PLEKHA5: variants seen among roughly 807,000 people sequenced by gnomAD.
The protein encoded by PLEKHA5 is pleckstrin homology domain containing A5.
Under a neutral mutation model 181.9 loss-of-function variants are expected in PLEKHA5, and 55 were observed. The ratio of observed to expected loss-of-function variants is 0.30; its 90% CI spans 0.24 to 0.38. The LOEUF (loss-of-function observed/expected upper bound fraction) is 0.38. PLEKHA5 is among the 10% of genes least tolerant of loss of function. The pLI is 1.00. For missense variants in PLEKHA5, 1,432 were observed against 1,549.5 expected, an observed-to-expected ratio of 0.92 and a Z score of 1.27; for synonymous variants, 535 against 529.4, an observed-to-expected ratio of 1.01 and a Z score of -0.15.
chr12:19,341,200 C>A (rs983836846), intron 21 of PLEKHA5, among the ~76,000 whole-genome samples: 2 of 151,966 alleles, frequency 1.3e-5, no homozygotes. Flanking sequence ...TTGCTTGAAC[C>A]CAAGAGGCAG....
At chr12:19,184,282 C>T (rs1415758131) in intron 3 of PLEKHA5, among the ~76,000 whole-genome samples, 1 of 152,072 alleles carries the variant, frequency 6.6e-6, no homozygotes, top group East Asian at 1.9e-4. Flanking sequence ...ATTTATCAAG[C>T]CATAGTCTAT....
At chr12:19,343,559 TAAAC>T (rs908883039) in intron 22 of PLEKHA5, 125 bp downstream of exon 22, 11 of 663,040 alleles carry the variant, frequency 1.7e-5, no homozygotes, top group Non-Finnish European at 2.7e-5. Context: ...AGAGTGTACT[TAAAC>T]AAATCTAGTT....
intron 11 of PLEKHA5, among the ~76,000 whole-genome samples, chr12:19,276,444 A>G (rs2074532624): frequency 6.6e-6 from 1 of 152,196 alleles, no homozygotes; most frequent in African/African-American, 2.4e-5. Flanking sequence ...TAATCCCAGC[A>G]CTTCGGGAGG....
intron 3 of PLEKHA5, among the ~76,000 whole-genome samples, chr12:19,216,763 G>A (rs1340911294): frequency 1.3e-5 from 2 of 152,048 alleles, no homozygotes; most frequent in Admixed American, 6.6e-5. Context: ...AGGACAGGGA[G>A]AAAATGAAGG....
Position 19,196,794 on chromosome 12 carries a change from GT to G in PLEKHA5, c.228-57140del, listed in dbSNP as rs1345493322. Among the ~76,000 whole-genome samples, 11 of 123,328 alleles carry G rather than the reference GT, an allele frequency of 8.9e-5. No individual in the cohort carries two copies. In the East Asian group the frequency reaches 1.5e-3, roughly 17 times the overall value. The allele number at this position is 123,328 out of a possible 152,430, so 80.9% of individuals were successfully genotyped here. ...ACTCTGGCTTATGAGTTTTTAACTT[GT>G]TTTTTCTTTTTTTTTTCTTTTTTTT... On this transcript the variant is annotated intron_variant, in intron 3 of 31. Transcript: ENST00000429027.
chr12:19,241,523 G>A (rs778303879), intron 3 of PLEKHA5, among the ~76,000 whole-genome samples: 9 of 152,142 alleles, frequency 5.9e-5, no homozygotes, highest in Non-Finnish European at 1.2e-4. Context: ...ATGGGAAGCC[G>A]AGGCGGGCGG....
At chr12:19,272,681 G>C (rs1300301797) in intron 10 of PLEKHA5, among the ~76,000 whole-genome samples, 1 of 152,124 alleles carries the variant, frequency 6.6e-6, no homozygotes, top group East Asian at 1.9e-4. Flanking sequence ...AGGTTGCAGA[G>C]AGCCAAGATC....
At chr12:19,363,572 A>G (rs2095330361) in intron 29 of PLEKHA5, among the ~76,000 whole-genome samples, 2 of 150,930 alleles carry the variant, frequency 1.3e-5, no homozygotes, top group African/African-American at 4.9e-5. Flanking sequence ...GCACACTGCA[A>G]CCTCCACCTC....
At chr12:19,303,996 G>C (rs1005316714) in intron 15 of PLEKHA5, among the ~76,000 whole-genome samples, 3 of 151,518 alleles carry the variant, frequency 2.0e-5, no homozygotes, top group African/African-American at 7.3e-5. Context: ...TTTGTAGAGG[G>C]GGGGGTTTCA....
chr12:19,337,333 A>G (rs866960713), intron 21 of PLEKHA5, among the ~76,000 whole-genome samples: 1 of 152,078 alleles, frequency 6.6e-6, no homozygotes, highest in African/African-American at 2.4e-5. Context: ...TGGGTAGATC[A>G]CCTGAGGTCA....
At chr12:19,141,160 T>C (rs186976092) in intron 3 of PLEKHA5, among the ~76,000 whole-genome samples, 1 of 151,840 alleles carries the variant, frequency 6.6e-6, no homozygotes, top group African/African-American at 2.4e-5. Flanking sequence ...CCTCACCTGC[T>C]TTCCACCCCT....
At chr12:19,221,494 A>G (rs2058922700) in intron 3 of PLEKHA5, among the ~76,000 whole-genome samples, 1 of 152,200 alleles carries the variant, frequency 6.6e-6, no homozygotes, top group Non-Finnish European at 1.5e-5. Context: ...AGGGTTGAAT[A>G]GGTGAAGCGC....
chr12:19,140,956 A>AT, intron 3 of PLEKHA5, among the ~76,000 whole-genome samples: 1 of 152,030 alleles, frequency 6.6e-6, no homozygotes, highest in South Asian at 2.1e-4. Context: ...CGCCCGGCTA[A>AT]TTTTTTTGTA....
intron 15 of PLEKHA5, among the ~76,000 whole-genome samples, chr12:19,297,628 C>CAAAAAAAA (rs934426933): frequency 1.6e-5 from 1 of 63,764 alleles, no homozygotes; most frequent in Non-Finnish European, 3.3e-5. Flanking sequence ...GGCTCCGTCT[C>CAAAAAAAA]AAAAAAAAAA....
At chr12:19,302,209 C>G (rs1448013298) in intron 15 of PLEKHA5, among the ~76,000 whole-genome samples, 1 of 152,098 alleles carries the variant, frequency 6.6e-6, no homozygotes, top group Non-Finnish European at 1.5e-5. Flanking sequence ...CCCTTTTTCT[C>G]TTAAATGGAA....
chr12:19,194,579 T>C (rs1373742225), intron 3 of PLEKHA5, among the ~76,000 whole-genome samples: 1 of 152,196 alleles, frequency 6.6e-6, no homozygotes, highest in Non-Finnish European at 1.5e-5. Flanking sequence ...TTTTTAAATA[T>C]GAAAGAATGG....
intron 17 of PLEKHA5, among the ~76,000 whole-genome samples, chr12:19,320,336 G>A (rs1227770010): frequency 6.6e-6 from 1 of 151,954 alleles, no homozygotes; most frequent in African/African-American, 2.4e-5. Context: ...TGTTTAACAA[G>A]CTTGTTACAT....
At position 19,287,854 on chromosome 12, in the gene PLEKHA5, G is replaced by C. The variant is rs376388236; in HGVS notation, c.1863+298G>C. On this transcript the variant is annotated intron_variant, in intron 13 of 31. Coordinates refer to ENST00000429027, the MANE Select transcript of PLEKHA5 (RefSeq NM_001256470.2). ...AGCACTTTGGGAGGCCAAGGCAGGCGGATCGCTTGAGGTCAGGAGTTCAAG... is the reference window on the plus strand; with the variant it reads ...AGCACTTTGGGAGGCCAAGGCAGGCCGATCGCTTGAGGTCAGGAGTTCAAG... Among the ~76,000 whole-genome samples the C allele has an allele frequency of 1.3e-4, 20 of 152,246 alleles. No homozygotes were observed. In the East Asian group the frequency reaches 3.3e-3, roughly 25 times the overall value.
intron 3 of PLEKHA5, among the ~76,000 whole-genome samples, chr12:19,226,706 G>A (rs905936674): frequency 6.6e-6 from 1 of 152,172 alleles, no homozygotes; most frequent in African/African-American, 2.4e-5. Context: ...CATTTTTAAA[G>A]TTTGTGTTTG....
Sources: gnomAD v4.1 joint callset for allele counts (sites outside exome capture counted in the v4.1 genomes callset) on GRCh38, gnomAD v4.1.1 for gene constraint, MANE v1.5 for transcripts, NCBI Gene and HGNC (gene_info 2026-07-23, HGNC 2026-07-21) for gene names.